The following NOS1AP variants were observed in gnomAD, a reference collection of about 807,000 sequenced individuals.
NOS1AP encodes carboxyl-terminal PDZ ligand of neuronal nitric oxide synthase protein.
In NOS1AP, 21 loss-of-function variants were observed where a neutral mutation model predicts 56.2. That is an observed-to-expected ratio of 0.37 (90% CI 0.26 to 0.54). The LOEUF is 0.54. Among genes scored for constraint, NOS1AP ranks in the 20% least tolerant of loss-of-function variants. The pLI, the probability that NOS1AP is intolerant of heterozygous loss-of-function variation, is 0.84. For missense variants in NOS1AP, 522 were observed against 657.8 expected (o/e 0.79, Z 2.26); for synonymous variants, 270 against 274.6 (o/e 0.98, Z 0.17).
chr1:162,352,161 G>C (rs1280082977), intron 6 of NOS1AP, among the ~76,000 whole-genome samples: 1 of 152,034 alleles, frequency 6.6e-6, no homozygotes, highest in East Asian at 1.9e-4. Flanking sequence ...CTGGGTTCAC[G>C]CAATTCTCCT....
chr1:162,181,100 G>A (rs1362175195), intron 2 of NOS1AP, among the ~76,000 whole-genome samples: 1 of 152,180 alleles, frequency 6.6e-6, no homozygotes, highest in East Asian at 1.9e-4. Context: ...TAGGATTATA[G>A]GTAGTCAATA....
chr1:162,242,309 G>T (rs767540692), intron 2 of NOS1AP, among the ~76,000 whole-genome samples: 27 of 152,190 alleles, frequency 1.8e-4, no homozygotes, highest in Non-Finnish European at 2.8e-4. Context: ...TTCATGATTT[G>T]CATGCAGCCA....
chr1:162,344,070 A>C, intron 6 of NOS1AP, 94 bp downstream of exon 6: 7 of 1,356,614 alleles, frequency 5.2e-6, no homozygotes, highest in Non-Finnish European at 7.3e-6. Context: ...CTGTGAACTC[A>C]TTTTAAGAAA....
intron 1 of NOS1AP, among the ~76,000 whole-genome samples, chr1:162,153,027 T>C (rs1649783817): frequency 6.6e-6 from 1 of 152,348 alleles, no homozygotes; most frequent in African/African-American, 2.4e-5. Context: ...ATGGTGTATA[T>C]GAAGGCGCTC....
chr1:162,199,632 G>GTC (rs1215848347), intron 2 of NOS1AP, among the ~76,000 whole-genome samples: 9 of 143,974 alleles, frequency 6.3e-5, no homozygotes, highest in African/African-American at 2.0e-4. Flanking sequence ...GTGTGTGTGT[G>GTC]TGTGTGTGTC....
At chr1:162,090,625 T>C (rs921934055) in intron 1 of NOS1AP, among the ~76,000 whole-genome samples, 14 of 152,118 alleles carry the variant, frequency 9.2e-5, no homozygotes, top group African/African-American at 3.4e-4. Flanking sequence ...TTGATCTCTT[T>C]CCTATTATTT....
At chr1:162,354,870 G>A (rs933632899) in intron 6 of NOS1AP, among the ~76,000 whole-genome samples, 8 of 152,214 alleles carry the variant, frequency 5.3e-5, no homozygotes, top group African/African-American at 1.7e-4. Context: ...CCTGAGCTGC[G>A]ATGACATGGA....
intron 1 of NOS1AP, among the ~76,000 whole-genome samples, chr1:162,098,983 T>C (rs1201625322): frequency 2.0e-5 from 3 of 152,204 alleles, no homozygotes; most frequent in Non-Finnish European, 4.4e-5. Flanking sequence ...TATGTGTGTA[T>C]GTATCCTTAT....
intron 6 of NOS1AP, among the ~76,000 whole-genome samples, chr1:162,345,918 C>A (rs1317022727): frequency 6.6e-6 from 1 of 151,996 alleles, no homozygotes; most frequent in African/African-American, 2.4e-5. Flanking sequence ...TTTAAAAAAA[C>A]AAGAATAGAA....
intron 2 of NOS1AP, among the ~76,000 whole-genome samples, chr1:162,220,742 C>G (rs533641477): frequency 6.6e-6 from 1 of 152,262 alleles, no homozygotes; most frequent in South Asian, 2.1e-4. Flanking sequence ...ATGGCCTCAT[C>G]CCAAGGGCTC....
intron 6 of NOS1AP, among the ~76,000 whole-genome samples, chr1:162,353,724 T>C (rs1657600748): frequency 6.6e-6 from 1 of 152,190 alleles, no homozygotes; most frequent in Admixed American, 6.5e-5. Context: ...TCCTGATCAC[T>C]GATAGAAATT....
intron 4 of NOS1AP, among the ~76,000 whole-genome samples, chr1:162,324,591 T>C (rs1416250514): frequency 1.3e-5 from 2 of 152,060 alleles, no homozygotes; most frequent in African/African-American, 4.8e-5. Context: ...AGCTGTGAAA[T>C]TAAAACATAA....
intron 2 of NOS1AP, among the ~76,000 whole-genome samples, chr1:162,254,730 G>A (rs1653972765): frequency 6.6e-6 from 1 of 152,172 alleles, no homozygotes; most frequent in African/African-American, 2.4e-5. Flanking sequence ...ATAGTTTATA[G>A]CATATTACAA....
intron 2 of NOS1AP, among the ~76,000 whole-genome samples, chr1:162,249,307 A>T (rs578013874): frequency 1.3e-4 from 20 of 152,290 alleles, no homozygotes; most frequent in Admixed American, 1.2e-3. Context: ...AAATGTCCAT[A>T]TGACTCAGCC....
At chr1:162,185,210 G>A (rs770931540) in intron 2 of NOS1AP, among the ~76,000 whole-genome samples, 1 of 152,164 alleles carries the variant, frequency 6.6e-6, no homozygotes, top group African/African-American at 2.4e-5. Flanking sequence ...GGCTGATCCA[G>A]GATAATCTCT....
In NOS1AP at chr1:162,188,828, C is replaced by T. The variant is rs1001426663; in HGVS notation, c.177+34352C>T. Among the ~76,000 whole-genome samples, 3 of 152,094 alleles carry T rather than the reference C, an allele frequency of 2.0e-5. No individual in the cohort carries two copies. The highest frequency in any genetic ancestry group is 1.9e-4 in the East Asian group (1 of 5,198). On this transcript the variant is annotated intron_variant, in intron 2 of 9. Coordinates refer to ENST00000361897, the MANE Select transcript of NOS1AP (RefSeq NM_014697.3). The surrounding 1 kb of genome is among the most constrained non-coding windows in gnomAD (Gnocchi z 4.0). ...CAGCACTTTCGGAGGCCGAGGCGGG[C>T]GGATCACGAGATCAGGAGTTCGAGA...
chr1:162,300,150 G>C (rs1404754426), intron 3 of NOS1AP, among the ~76,000 whole-genome samples: 1 of 152,108 alleles, frequency 6.6e-6, no homozygotes, highest in African/African-American at 2.4e-5. Flanking sequence ...GTAGTTGGCC[G>C]CTGACCCTAA....
chr1:162,236,201 T>G (rs1204088961), intron 2 of NOS1AP, among the ~76,000 whole-genome samples: 1 of 152,226 alleles, frequency 6.6e-6, no homozygotes, highest in Non-Finnish European at 1.5e-5. Flanking sequence ...AACTCCATAG[T>G]ACAGTTCAGC....
At chr1:162,173,486 T>C (rs371939768) in intron 2 of NOS1AP, among the ~76,000 whole-genome samples, 4 of 152,152 alleles carry the variant, frequency 2.6e-5, no homozygotes, top group Admixed American at 6.5e-5. Context: ...ACCTAGGCAA[T>C]ACCATTCAGG....
Sources: allele counts gnomAD v4.1 joint callset (sites outside exome capture counted in the v4.1 genomes callset), GRCh38; gene constraint gnomAD v4.1.1; non-coding constraint Gnocchi (gnomAD v3.1); transcripts MANE v1.5; gene names NCBI Gene and HGNC (gene_info 2026-07-23, HGNC 2026-07-21).